HIPK1: variants seen among roughly 807,000 people sequenced by gnomAD.
HIPK1 encodes homeodomain interacting protein kinase 1, also known as homeodomain-interacting protein kinase 1.
In HIPK1, 28 loss-of-function variants were observed where a neutral mutation model predicts 117.1. The ratio of observed to expected loss-of-function variants is 0.24; its 90% CI spans 0.18 to 0.33. The LOEUF is 0.33. Among genes scored for constraint, HIPK1 ranks in the 10% least tolerant of loss-of-function variants. The pLI, the probability that HIPK1 is intolerant of heterozygous loss-of-function variation, is 1.00. For synonymous variants in HIPK1, 605 were observed against 562.5 expected, an observed-to-expected ratio of 1.08 and a Z score of -1.07; for missense variants, 1,122 against 1,475.1, an observed-to-expected ratio of 0.76 and a Z score of 3.92.
rs1353623940 is a variant in HIPK1, at chr1:113,967,874, C to G, written c.2490C>G (p.Ala830=). The change falls in exon 12 of 16, where the codon GCC becomes GCG. Residue 830 remains alanine (A), a synonymous_variant. Coordinates refer to ENST00000426820, the MANE Select transcript of HIPK1 (RefSeq NM_198268.3). ...ATAQPLNVGV[A]HVVRQQQSSS... Reference sequence around the variant, plus strand: ...CTCAGCCTCTGAATGTTGGTGTTGCCCATGTTGTCAGACAACAACAATCCA... The same window carrying G: ...CTCAGCCTCTGAATGTTGGTGTTGCGCATGTTGTCAGACAACAACAATCCA... 20 of 1,611,416 alleles carry G rather than the reference C, an allele frequency of 1.2e-5. No individual in the cohort carries two copies. The highest frequency in any genetic ancestry group is 1.6e-5 in the Non-Finnish European group (19 of 1,179,432).
At chr1:113,945,422 T>C (rs1670927878) in intron 2 of HIPK1, among the ~76,000 whole-genome samples, 1 of 152,206 alleles carries the variant, frequency 6.6e-6, no homozygotes, top group African/African-American at 2.4e-5. Context: ...GTCGAAATCA[T>C]ACAGATTTTC....
At chr1:113,960,433 T>C (rs993446552) in intron 8 of HIPK1, among the ~76,000 whole-genome samples, 23 of 152,230 alleles carry the variant, frequency 1.5e-4, no homozygotes, top group Non-Finnish European at 3.1e-4. Context: ...CTACTTTCCA[T>C]ACTGTCCTGG....
In HIPK1 at chr1:113,973,653, A is replaced by G. The variant is rs1415617720; in HGVS notation, c.*141A>G. On this transcript the variant is annotated 3_prime_UTR_variant, in exon 16 of 16. Coordinates refer to ENST00000426820, the MANE Select transcript of HIPK1 (RefSeq NM_198268.3). Reference sequence around the variant, plus strand: ...GTTCTGCAGGGGCCCACTGAAGCAGAAGGTTTTTCTCTGGGGGAACCTGTC... The same window carrying G: ...GTTCTGCAGGGGCCCACTGAAGCAGGAGGTTTTTCTCTGGGGGAACCTGTC... 2.1e-6 allele frequency: 2 copies of G among 948,198 alleles called. No individual in the cohort carries two copies. 58.7% of individuals were successfully genotyped at this position (948,198 alleles called of 1,614,324 possible). A position where few individuals can be genotyped will look rare whatever the true frequency, so the allele number is the denominator to read the frequency against.
chr1:113,944,234 C>T (rs1256379900), intron 2 of HIPK1, among the ~76,000 whole-genome samples: 3 of 116,508 alleles, frequency 2.6e-5, no homozygotes, highest in Admixed American at 2.5e-4. Flanking sequence ...TGCAGTGGTG[C>T]GATCTCGGCT....
At chr1:113,940,344 T>G in intron 1 of HIPK1, 38 bp from the exon 2 acceptor site, 3 of 1,508,220 alleles carry the variant, frequency 2.0e-6, no homozygotes, top group Non-Finnish European at 2.7e-6. Flanking sequence ...TTGTATCTTT[T>G]ATCCTTGTGG....
chr1:113,956,925 C>G (rs1671766682), intron 6 of HIPK1, 114 bp downstream of exon 6: 1 of 1,034,702 alleles, frequency 9.7e-7, no homozygotes, highest in Admixed American at 2.3e-5. Context: ...TCTGGCTCAG[C>G]AGTGCTTTTC....
chr1:113,931,945 C>G (rs1350226262), intron 1 of HIPK1, among the ~76,000 whole-genome samples: 1 of 152,168 alleles, frequency 6.6e-6, no homozygotes, highest in African/African-American at 2.4e-5. Context: ...TATTATTCCT[C>G]CCGTTATCTT....
At position 113,929,637 on chromosome 1, in the gene HIPK1, G is replaced by A. The variant is rs1669696897; in HGVS notation, c.-3+105G>A. The A allele has an allele frequency of 2.9e-5, 31 of 1,063,054 alleles. No individual in the cohort carries two copies. In the South Asian group the frequency reaches 4.0e-4, roughly 14 times the overall value. The allele number at this position is 1,063,054 out of a possible 1,614,324, so 65.9% of individuals were successfully genotyped here. ...CCGTTCGTCGGGTCTGGCGACAACG[G>A]CGGCTGCGGAGCAAGGGGCCCGGCG... On this transcript the variant is annotated intron_variant, in intron 1 of 15. Coordinates refer to ENST00000426820, the MANE Select transcript of HIPK1 (RefSeq NM_198268.3).
intron 8 of HIPK1, among the ~76,000 whole-genome samples, chr1:113,961,916 C>T (rs533823856): frequency 7.7e-6 from 1 of 130,476 alleles, no homozygotes; most frequent in African/African-American, 3.0e-5. Flanking sequence ...GCACTCCAGC[C>T]TGGGTGACAG....
intron 2 of HIPK1, among the ~76,000 whole-genome samples, chr1:113,942,144 C>T (rs983000061): frequency 6.6e-6 from 1 of 151,642 alleles, no homozygotes; most frequent in African/African-American, 2.4e-5. Context: ...CGGCAGCCTC[C>T]ACCTCCTGGG....
At chr1:113,939,861 G>A (rs1670529927) in intron 1 of HIPK1, among the ~76,000 whole-genome samples, 2 of 152,070 alleles carry the variant, frequency 1.3e-5, no homozygotes, top group Admixed American at 1.3e-4. Context: ...GGGACAGAAA[G>A]CTGGACTGTT....
At chr1:113,943,390 T>G (rs1670779659) in intron 2 of HIPK1, among the ~76,000 whole-genome samples, 1 of 152,260 alleles carries the variant, frequency 6.6e-6, no homozygotes. Context: ...AATATTTGTC[T>G]TTTTGTGTCT....
Position 113,954,789 on chromosome 1 carries a change from G to A in HIPK1, c.1320+19G>A, listed in dbSNP as rs970497443. On this transcript the variant is annotated intron_variant, in intron 4 of 15. Transcript: ENST00000426820. ...GCTTAAGGTCTGTCTTCCCTACTAT[G>A]CTTCCGACTCCTGTACTCCACCCCT... 5 of 1,608,026 alleles carry A rather than the reference G, an allele frequency of 3.1e-6. No homozygotes were observed. The Admixed American group carries it at 6.7e-5, about 22-fold the overall frequency.
At chr1:113,967,642 T>C in intron 11 of HIPK1, 124 bp from the exon 12 acceptor site, 1 of 525,788 alleles carries the variant, frequency 1.9e-6, no homozygotes, top group African/African-American at 2.0e-5. Flanking sequence ...TATCAGATGG[T>C]AGGTGCTCAA....
chr1:113,951,385 T>G, intron 2 of HIPK1: 2 of 578,856 alleles, frequency 3.5e-6, no homozygotes, highest in African/African-American at 4.1e-5. Context: ...GCTCTGCCAC[T>G]TATTTGACTG....
rs1673041273 is a variant in HIPK1 at position 113,974,518 on chromosome 1, T to C, written c.*1006T>C. 6.5e-6 allele frequency: 1 copy of C among 152,694 alleles called. No homozygotes were observed. 9.5% of individuals were successfully genotyped at this position (152,694 alleles called of 1,614,324 possible). A position where few individuals can be genotyped will look rare whatever the true frequency, so the allele number is the denominator to read the frequency against. On this transcript the variant is annotated 3_prime_UTR_variant, in exon 16 of 16. Transcript: ENST00000426820. ...CACCTCTGTTTTGCTCATCTCTCCC[T>C]TCTGTTTTATGTGATTTGTTTGGGG...
Position 113,940,772 on chromosome 1 carries a change from T to C in HIPK1, c.389T>C (p.Val130Ala). The C allele has an allele frequency of 1.9e-6, 3 of 1,614,086 alleles. No individual in the cohort carries two copies. Among genetic ancestry groups the C allele is most frequent in the Non-Finnish European group, 2.5e-6 (3 of 1,180,042 alleles). ...KCGLKRKSEEVDSNGSVQIIE... is the reference protein window; with the variant it reads ...KCGLKRKSEEADSNGSVQIIE... ...GGATTGAAACGAAAAAGTGAGGAAGTTGACAGCAACGGTAGTGTGCAGATC... is the reference window on the plus strand; with the variant it reads ...GGATTGAAACGAAAAAGTGAGGAAGCTGACAGCAACGGTAGTGTGCAGATC... The change falls in exon 2 of 16, where the codon GTT (valine) becomes GCT (alanine). Residue 130 changes from valine to alanine, a missense_variant. This residue lies in a region of HIPK1 where 192 missense variants were observed against 234.0 expected (regional missense o/e 0.82). Coordinates refer to ENST00000426820, the MANE Select transcript of HIPK1 (RefSeq NM_198268.3).
chr1:113,973,059 G>A lies in HIPK1; in HGVS notation c.3180G>A (p.Glu1060=). The A allele has an allele frequency of 2.6e-6, 4 of 1,523,986 alleles. No homozygotes were observed. The highest frequency in any genetic ancestry group is 3.5e-6 in the Non-Finnish European group (4 of 1,137,264). The allele number at this position is 1,523,986 out of a possible 1,614,324, so 94.4% of individuals were successfully genotyped here. A position where few individuals can be genotyped will look rare whatever the true frequency, so the allele number is the denominator to read the frequency against. ...QQSSAAPTSQ[E]RSSNPAPRRQ... is the part of the protein sequence containing the mutation. ...CATCGGCGGCTCCAACCTCACAGGA[G>A]AGAAGCAGCAACCCAGCCCCCCGCA... Residue 1060 remains glutamate, a synonymous_variant, in exon 16 of 16, where the codon GAG becomes GAA. Transcript: ENST00000426820.
intron 1 of HIPK1, among the ~76,000 whole-genome samples, chr1:113,932,050 C>G (rs1669930990): frequency 6.6e-6 from 1 of 152,206 alleles, no homozygotes; most frequent in Middle Eastern, 3.4e-3. Flanking sequence ...TCTTTTGGTT[C>G]CTTTTGTTTT....
Sources: gnomAD v4.1 joint callset for allele counts (sites outside exome capture counted in the v4.1 genomes callset) on GRCh38, gnomAD v4.1.1 for gene constraint, gnomAD v4.1.1 regional missense constraint, MANE v1.5 for transcripts, NCBI Gene and HGNC (gene_info 2026-07-23, HGNC 2026-07-21) for gene names.